REEP3: variants seen among roughly 807,000 people sequenced by gnomAD.
REEP3 encodes receptor accessory protein 3.
In REEP3, 20 loss-of-function variants were observed where a neutral mutation model predicts 41.3. The observed-to-expected ratio is 0.48, with a 90% CI of 0.34 to 0.70. The LOEUF (loss-of-function observed/expected upper bound fraction) is 0.70. Ranked by LOEUF, REEP3 falls within the 30% of genes least tolerant of loss-of-function variation. REEP3 has a pLI of 0.01. For synonymous variants in REEP3, 104 were observed against 101.8 expected, an observed-to-expected ratio of 1.02 and a Z score of -0.13; for missense variants, 271 against 308.8, an observed-to-expected ratio of 0.88 and a Z score of 0.92.
At chr10:63,535,350 A>G (rs10995554) in intron 1 of REEP3, among the ~76,000 whole-genome samples, 53,250 of 152,008 alleles carry the variant, frequency 0.35, 10,120 homozygotes, top group African/African-American at 0.47. Flanking sequence ...ATTGAAAGAT[A>G]AAAGGATATC....
chr10:63,541,415 A>G (rs1177350005), intron 1 of REEP3, among the ~76,000 whole-genome samples: 1 of 152,226 alleles, frequency 6.6e-6, no homozygotes, highest in African/African-American at 2.4e-5. Flanking sequence ...GAATTTGCTT[A>G]CTAGGTACAA....
At chr10:63,605,870 T>C (rs1397254347) in intron 5 of REEP3, among the ~76,000 whole-genome samples, 1 of 152,114 alleles carries the variant, frequency 6.6e-6, no homozygotes, top group Non-Finnish European at 1.5e-5. Flanking sequence ...CTGAGTGTGC[T>C]AGCTCTGGAC....
At chr10:63,542,542 G>T (rs992998693) in intron 1 of REEP3, among the ~76,000 whole-genome samples, 1 of 152,156 alleles carries the variant, frequency 6.6e-6, no homozygotes, top group Non-Finnish European at 1.5e-5. Context: ...CTACAAAGAA[G>T]TATATTATCT....
intron 1 of REEP3, among the ~76,000 whole-genome samples, chr10:63,562,124 G>A (rs986886801): frequency 2.6e-5 from 4 of 152,152 alleles, no homozygotes; most frequent in Non-Finnish European, 5.9e-5. Flanking sequence ...CGGTGGAGGA[G>A]TGGTGGGGGT....
chr10:63,524,966 C>T (rs918341736), intron 1 of REEP3, among the ~76,000 whole-genome samples: 1 of 150,768 alleles, frequency 6.6e-6, no homozygotes. Context: ...GAGCTGAGAT[C>T]GTGCCACTGC....
intron 1 of REEP3, among the ~76,000 whole-genome samples, chr10:63,537,059 A>G (rs1955481391): frequency 6.6e-6 from 1 of 152,266 alleles, no homozygotes; most frequent in Admixed American, 6.5e-5. Context: ...TTGCAAGGAT[A>G]TTTATAGGAA....
intron 1 of REEP3, among the ~76,000 whole-genome samples, chr10:63,555,969 A>G (rs1011143063): frequency 1.1e-4 from 16 of 152,188 alleles, no homozygotes; most frequent in African/African-American, 3.9e-4. Context: ...AGTGAAAATA[A>G]GTTGTCTTAG....
intron 1 of REEP3, among the ~76,000 whole-genome samples, chr10:63,547,153 C>A (rs1955586940): frequency 6.6e-6 from 1 of 152,098 alleles, no homozygotes; most frequent in African/African-American, 2.4e-5. Context: ...AACTCCTGAC[C>A]TCGTGATCTG....
chr10:63,557,755 A>C lies in REEP3; in HGVS notation c.33-8583A>C, dbSNP rs143620409. Among the ~76,000 whole-genome samples the C allele has an allele frequency of 1.4e-4, 21 of 152,358 alleles. No individual in the cohort carries two copies. In the East Asian group the frequency reaches 3.9e-3, roughly 28 times the overall value. On this transcript the variant is annotated intron_variant, in intron 1 of 7. Coordinates refer to ENST00000373758, the MANE Select transcript of REEP3 (RefSeq NM_001001330.3). ...ATTGATATGTTAAATTATAAAGAAA[A>C]ATAACAGAATTGAGACTAGAAAATA...
intron 2 of REEP3, among the ~76,000 whole-genome samples, chr10:63,592,670 T>C (rs10995565): frequency 0.011 from 1,553 of 146,080 alleles, 17 homozygotes; most frequent in East Asian, 0.049. Context: ...GCAGGCAGAT[T>C]GTCTGAGGTC....
At chr10:63,579,665 T>C (rs935187106) in intron 2 of REEP3, among the ~76,000 whole-genome samples, 1 of 152,252 alleles carries the variant, frequency 6.6e-6, no homozygotes, top group Non-Finnish European at 1.5e-5. Context: ...CCTAAGAGGC[T>C]AAGCAATCAG....
intron 2 of REEP3, among the ~76,000 whole-genome samples, chr10:63,592,452 G>T (rs183391765): frequency 6.6e-6 from 1 of 151,906 alleles, no homozygotes; most frequent in African/African-American, 2.4e-5. Flanking sequence ...TTTTGTTTTC[G>T]GTAAAGGGTT....
intron 3 of REEP3, among the ~76,000 whole-genome samples, 172 bp from the exon 4 acceptor site, chr10:63,597,852 G>T (rs1454343712): frequency 6.6e-6 from 1 of 151,466 alleles, no homozygotes; most frequent in Admixed American, 6.6e-5. Flanking sequence ...GGCGGAGGTT[G>T]CAATGAGCCG....
At chr10:63,524,016 C>T (rs75916015) in intron 1 of REEP3, among the ~76,000 whole-genome samples, 5,620 of 152,068 alleles carry the variant, frequency 0.037, 332 homozygotes, top group East Asian at 0.29. Context: ...TTGAGGCTAA[C>T]GACAGGGAGC....
intron 6 of REEP3, among the ~76,000 whole-genome samples, chr10:63,611,667 AAG>A (rs1487381440): frequency 6.6e-6 from 1 of 152,106 alleles, no homozygotes; most frequent in Admixed American, 6.5e-5. Context: ...TTATTAAAAA[AAG>A]AAGTTTTCTT....
intron 1 of REEP3, among the ~76,000 whole-genome samples, chr10:63,536,106 T>A (rs779034602): frequency 9.9e-5 from 15 of 152,234 alleles, no homozygotes; most frequent in Non-Finnish European, 1.5e-4. Flanking sequence ...TGCTGTTATG[T>A]TCATTTCACC....
At chr10:63,561,002 C>T (rs1252898128) in intron 1 of REEP3, among the ~76,000 whole-genome samples, 2 of 152,178 alleles carry the variant, frequency 1.3e-5, no homozygotes, top group African/African-American at 2.4e-5. Context: ...TTCACTAAAA[C>T]ATTCAATCTT....
intron 1 of REEP3, among the ~76,000 whole-genome samples, chr10:63,528,120 A>G (rs1039254863): frequency 6.6e-6 from 1 of 152,126 alleles, no homozygotes; most frequent in Non-Finnish European, 1.5e-5. Flanking sequence ...AAGGATTCCC[A>G]TTAATTTACA....
At chr10:63,569,216 T>G (rs1732604577) in intron 2 of REEP3, among the ~76,000 whole-genome samples, 1 of 152,178 alleles carries the variant, frequency 6.6e-6, no homozygotes, top group Non-Finnish European at 1.5e-5. Flanking sequence ...AGAATCTGCT[T>G]CTGGCCAGTG....
Sources: gnomAD v4.1 joint callset for allele counts (sites outside exome capture counted in the v4.1 genomes callset) on GRCh38, gnomAD v4.1.1 for gene constraint, MANE v1.5 for transcripts, NCBI Gene and HGNC (gene_info 2026-07-23, HGNC 2026-07-21) for gene names.